Variants in ADGRB3 observed in about 807,000 individuals in gnomAD.
ADGRB3 encodes the protein brain-specific angiogenesis inhibitor 3.
ADGRB3 carries 37 observed loss-of-function variants against 193.4 expected under a neutral mutation model. The ratio of observed to expected loss-of-function variants is 0.19; its 90% confidence interval spans 0.15 to 0.25. ADGRB3 has a LOEUF of 0.25. Among genes scored for constraint, ADGRB3 ranks in the 10% least tolerant of loss-of-function variants. The pLI is 1.00. For synonymous variants in ADGRB3, 690 were observed against 644.2 expected, an observed-to-expected ratio of 1.07 and a Z score of -1.08; for missense variants, 1,637 against 1,852.9, an observed-to-expected ratio of 0.88 and a Z score of 2.14.
chr6:69,070,314 CT>C (rs1772043553), intron 16 of ADGRB3, among the ~76,000 whole-genome samples: 1 of 151,930 alleles, frequency 6.6e-6, no homozygotes, highest in Non-Finnish European at 1.5e-5. Flanking sequence ...CACTTTATTT[CT>C]TTTTTTAAGC....
Position 68,822,261 on chromosome 6 carries a change from A to G in ADGRB3, c.758-108298A>G, listed in dbSNP as rs116843883. On this transcript the variant is annotated intron_variant, in intron 3 of 31. Coordinates refer to ENST00000370598, the MANE Select transcript of ADGRB3 (RefSeq NM_001704.3). ...AGCTTTTTATGTAGGCAATCCCATA[A>G]CTCCAAAAGTGAAGAATAATAAAAT... Among the ~76,000 whole-genome samples the G allele has an allele frequency of 3.3e-5, 5 of 152,090 alleles. No homozygotes were observed. In the East Asian group the frequency reaches 9.6e-4, roughly 29 times the overall value.
At chr6:69,124,939 G>A (rs1773815258) in intron 17 of ADGRB3, among the ~76,000 whole-genome samples, 1 of 150,520 alleles carries the variant, frequency 6.6e-6, no homozygotes, top group African/African-American at 2.4e-5. Flanking sequence ...CCATATTTAT[G>A]GATGAAGAAT....
At chr6:69,258,705 A>G (rs1031997088) in intron 20 of ADGRB3, among the ~76,000 whole-genome samples, 7 of 152,228 alleles carry the variant, frequency 4.6e-5, no homozygotes, top group Non-Finnish European at 8.8e-5. Flanking sequence ...AGTGCACAAT[A>G]TGGAAAAGTA....
rs1329950836 is a variant in ADGRB3, at chr6:69,141,059, A to C, written c.2480+65021A>C. 4.6e-5 allele frequency among the ~76,000 whole-genome samples: 7 copies of C among 151,248 alleles called. No homozygotes were observed. In the East Asian group the frequency reaches 1.4e-3, roughly 29 times the overall value. On this transcript the variant is annotated intron_variant, in intron 17 of 31. Coordinates refer to ENST00000370598, the MANE Select transcript of ADGRB3 (RefSeq NM_001704.3). ...TATTTGGATAGTAAATGCTAAGGAG[A>C]AAAAAAATGAAGTGAAAGAAAGAAG...
In ADGRB3 at chr6:68,696,430, A is replaced by G. The variant is rs550880777; in HGVS notation, c.757+56998A>G. On this transcript the variant is annotated intron_variant, in intron 3 of 31. Transcript: ENST00000370598. ...ATTTGCCACTTTTCTTCTAAAAATT[A>G]AAAAAAAAACCTATGGGATTTTGCA... 4.7e-5 allele frequency among the ~76,000 whole-genome samples: 7 copies of G among 148,034 alleles called. No homozygotes were observed. In the South Asian group the frequency reaches 1.5e-3, roughly 31 times the overall value.
intron 3 of ADGRB3, among the ~76,000 whole-genome samples, chr6:68,796,548 T>G: frequency 6.6e-6 from 1 of 152,212 alleles, no homozygotes. Flanking sequence ...AAACTTCAGT[T>G]AAAGCACTTT....
intron 21 of ADGRB3, among the ~76,000 whole-genome samples, chr6:69,325,717 G>A (rs952412559): frequency 6.6e-6 from 1 of 152,152 alleles, no homozygotes; most frequent in Non-Finnish European, 1.5e-5. Context: ...TTAGAAGACT[G>A]GCATATGGGA....
chr6:69,289,566 C>G lies in ADGRB3; in HGVS notation c.2815-35306C>G, dbSNP rs75537652. Among the ~76,000 whole-genome samples the G allele has an allele frequency of 3.1e-3, 472 of 152,258 alleles. 3 individuals are homozygous for G. Among genetic ancestry groups the G allele is most frequent in the Middle Eastern group, 6.8e-3 (2 of 294 alleles). Reference sequence around the variant, plus strand: ...CCTCCAGCCCACTAGTTACATGGCCCTATTTTATGCCTCATCCACACCTGC... The same window carrying G: ...CCTCCAGCCCACTAGTTACATGGCCGTATTTTATGCCTCATCCACACCTGC... On this transcript the variant is annotated intron_variant, in intron 20 of 31. Coordinates refer to ENST00000370598, the MANE Select transcript of ADGRB3 (RefSeq NM_001704.3).
At chr6:69,293,478 G>C (rs1767738032) in intron 20 of ADGRB3, among the ~76,000 whole-genome samples, 1 of 152,176 alleles carries the variant, frequency 6.6e-6, no homozygotes, top group Admixed American at 6.5e-5. Context: ...GGCGGGTGTT[G>C]ACCCTTTACG....
intron 17 of ADGRB3, among the ~76,000 whole-genome samples, chr6:69,121,499 C>G (rs12190628): frequency 6.6e-6 from 1 of 152,162 alleles, no homozygotes; most frequent in Admixed American, 6.5e-5. Flanking sequence ...CATCATGGCC[C>G]GTTCTCGATG....
chr6:68,686,985 A>G (rs2127300331), intron 3 of ADGRB3, among the ~76,000 whole-genome samples: 1 of 152,282 alleles, frequency 6.6e-6, no homozygotes, highest in South Asian at 2.1e-4. Context: ...TGCTTTTTGA[A>G]AAACGTGCAT....
chr6:69,017,568 C>T (rs1228843080), intron 12 of ADGRB3, among the ~76,000 whole-genome samples: 2 of 151,864 alleles, frequency 1.3e-5, no homozygotes, highest in East Asian at 1.9e-4. Flanking sequence ...AAAAAACACT[C>T]GTCCATTTGT....
intron 13 of ADGRB3, among the ~76,000 whole-genome samples, chr6:69,040,724 A>C (rs1198710167): frequency 2.2e-5 from 3 of 137,230 alleles, no homozygotes; most frequent in Admixed American, 7.5e-5. Flanking sequence ...CAAGAATTTG[A>C]AGTTGATGAG....
intron 3 of ADGRB3, among the ~76,000 whole-genome samples, chr6:68,754,720 G>T (rs1766265992): frequency 2.3e-5 from 3 of 131,456 alleles, no homozygotes; most frequent in African/African-American, 5.9e-5. Flanking sequence ...GGAAGTCATG[G>T]GTGGAGAATA....
At chr6:69,017,720 C>G (rs1770137656) in intron 12 of ADGRB3, among the ~76,000 whole-genome samples, 1 of 151,868 alleles carries the variant, frequency 6.6e-6, no homozygotes, top group Non-Finnish European at 1.5e-5. Context: ...TGCTTAGCCA[C>G]TATTAAAGAT....
At chr6:69,033,101 A>T (rs1037100740) in intron 13 of ADGRB3, among the ~76,000 whole-genome samples, 6 of 152,156 alleles carry the variant, frequency 3.9e-5, no homozygotes, top group Admixed American at 3.9e-4. Flanking sequence ...TGTGTACTTT[A>T]CAAAGAAGAC....
chr6:68,951,483 C>T lies in ADGRB3; in HGVS notation c.1196-4541C>T, dbSNP rs3757041. On this transcript the variant is annotated intron_variant, in intron 6 of 31. Transcript: ENST00000370598. ...ATCTGCCCCCACTACAGCCCCCAGACTACATGTTCATAAGAGCAGAGCTCA... is the reference window on the plus strand; with the variant it reads ...ATCTGCCCCCACTACAGCCCCCAGATTACATGTTCATAAGAGCAGAGCTCA... 1.3e-4 allele frequency among the ~76,000 whole-genome samples: 20 copies of T among 152,294 alleles called. No individual in the cohort carries two copies. The East Asian group carries it at 3.9e-3, about 29-fold the overall frequency.
intron 13 of ADGRB3, among the ~76,000 whole-genome samples, chr6:69,042,813 C>T (rs546625055): frequency 3.4e-4 from 51 of 152,136 alleles, no homozygotes; most frequent in Non-Finnish European, 6.8e-4. Context: ...TCTGTATCAA[C>T]ATGAAAAATG....
At chr6:68,716,953 G>A (rs1305461096) in intron 3 of ADGRB3, among the ~76,000 whole-genome samples, 1 of 151,536 alleles carries the variant, frequency 6.6e-6, no homozygotes, top group East Asian at 1.9e-4. Context: ...ATATTCTCAT[G>A]TTCTTTATTT....
Sources: gnomAD v4.1 joint callset for allele counts (sites outside exome capture counted in the v4.1 genomes callset) on GRCh38, gnomAD v4.1.1 for gene constraint, MANE v1.5 for transcripts, NCBI Gene and HGNC (gene_info 2026-07-23, HGNC 2026-07-21) for gene names.